The following TDRD7 variants were observed in gnomAD, a reference collection of about 807,000 sequenced individuals.
The protein encoded by TDRD7 is tudor domain-containing protein 7.
In TDRD7, 47 loss-of-function variants were observed where a neutral mutation model predicts 109.8. The ratio of observed to expected loss-of-function variants is 0.43; its 90% CI spans 0.34 to 0.55. The LOEUF is 0.55. Among genes scored for constraint, TDRD7 ranks in the 20% least tolerant of loss-of-function variants. The pLI, the probability that TDRD7 is intolerant of heterozygous loss-of-function variation, is 0.03. For synonymous variants in TDRD7, 424 were observed against 457.3 expected (o/e 0.93, Z 0.93); for missense variants, 1,164 against 1,319.2 (o/e 0.88, Z 1.82).
At chr9:97,462,737 C>T (rs1402945734) in intron 7 of TDRD7, among the ~76,000 whole-genome samples, 1 of 152,202 alleles carries the variant, frequency 6.6e-6, no homozygotes, top group African/African-American at 2.4e-5. Flanking sequence ...CTCGTCATTA[C>T]CCACTGTCAT....
rs1160808007 is a variant in TDRD7, at chr9:97,480,818, T to G, written c.2302-10T>G. ...GGTGTGTTCACTTTTCCATCATATT[T>G]TCTTTTCAGGCCATTAAGTGCTGTT... On this transcript the variant is annotated splice_polypyrimidine_tract_variant and intron_variant, in intron 13 of 16. Coordinates refer to ENST00000355295, the MANE Select transcript of TDRD7 (RefSeq NM_014290.3). 1 of 1,609,948 alleles carries G rather than the reference T, an allele frequency of 6.2e-7. No individual in the cohort carries two copies. Among genetic ancestry groups the G allele is most frequent in the South Asian group, 1.1e-5 (1 of 91,008 alleles).
At chr9:97,471,493 A>T (rs1828912060) in intron 9 of TDRD7, among the ~76,000 whole-genome samples, 1 of 152,300 alleles carries the variant, frequency 6.6e-6, no homozygotes, top group African/African-American at 2.4e-5. Context: ...ATAGGACAGG[A>T]TTTAGGGTGT....
intron 4 of TDRD7, among the ~76,000 whole-genome samples, chr9:97,434,509 A>G (rs1387941832): frequency 6.6e-6 from 1 of 152,196 alleles, no homozygotes; most frequent in Non-Finnish European, 1.5e-5. Context: ...CACAAAAAAT[A>G]AGCATGTGAA....
intron 6 of TDRD7, among the ~76,000 whole-genome samples, chr9:97,448,465 C>G (rs958472816): frequency 1.3e-5 from 2 of 152,196 alleles, no homozygotes; most frequent in African/African-American, 4.8e-5. Flanking sequence ...AAAAGGCCAC[C>G]TCTTAAGGAA....
chr9:97,477,367 T>G (rs1829041469), intron 12 of TDRD7, among the ~76,000 whole-genome samples: 1 of 152,208 alleles, frequency 6.6e-6, no homozygotes, highest in Non-Finnish European at 1.5e-5. Context: ...AGTTGTCATG[T>G]CTTCTTAGTA....
intron 16 of TDRD7, among the ~76,000 whole-genome samples, chr9:97,491,573 T>A (rs1362696533): frequency 6.6e-6 from 1 of 152,208 alleles, no homozygotes; most frequent in Non-Finnish European, 1.5e-5. Flanking sequence ...TATGTAGTCC[T>A]ATGATTAGGT....
chr9:97,472,846 G>A (rs2131164927), intron 10 of TDRD7, among the ~76,000 whole-genome samples: 1 of 152,104 alleles, frequency 6.6e-6, no homozygotes, highest in South Asian at 2.1e-4. Context: ...GAACATAAAT[G>A]CCCCAAAAGA....
intron 1 of TDRD7, among the ~76,000 whole-genome samples, chr9:97,414,508 T>A (rs934572866): frequency 1.3e-5 from 2 of 152,240 alleles, no homozygotes; most frequent in African/African-American, 4.8e-5. Flanking sequence ...AAAAGAGACC[T>A]GAAGTGACTT....
rs202206922 is a variant in TDRD7, at chr9:97,487,260, A to G, written c.3004A>G (p.Ile1002Val). 559 of 1,614,058 alleles carry G rather than the reference A, an allele frequency of 3.5e-4. No homozygotes were observed. The highest frequency in any genetic ancestry group is 4.5e-4 in the Non-Finnish European group (529 of 1,179,956). Residue 1002 changes from isoleucine (I) to valine (V), a missense_variant, in exon 16 of 17, where the codon ATA becomes GTA. By Grantham distance (29) the Ile-to-Val change is conservative. This residue lies in a region of TDRD7 where 162 missense variants were observed against 222.5 expected (regional missense o/e 0.73). Coordinates refer to ENST00000355295, the MANE Select transcript of TDRD7 (RefSeq NM_014290.3). ...LDYGKHELVN[I>V]RKVQPLVDMF... Reference sequence around the variant, plus strand: ...TTATGGCAAACACGAATTAGTCAACATAAGAAAAGTACAGCCCCTAGTGGA... The same window carrying G: ...TTATGGCAAACACGAATTAGTCAACGTAAGAAAAGTACAGCCCCTAGTGGA...
intron 3 of TDRD7, 75 bp downstream of exon 3, chr9:97,431,149 G>C: frequency 3.2e-6 from 5 of 1,586,204 alleles, no homozygotes; most frequent in Non-Finnish European, 3.5e-6. Context: ...TGGAAATATT[G>C]TTTGTATTAT....
chr9:97,471,979 T>C (rs1350028808), intron 9 of TDRD7, among the ~76,000 whole-genome samples: 1 of 152,198 alleles, frequency 6.6e-6, no homozygotes, highest in Non-Finnish European at 1.5e-5. Flanking sequence ...TGTTAGTTTT[T>C]TGGTTTTAAA....
At chr9:97,451,028 C>G (rs556357326) in intron 6 of TDRD7, among the ~76,000 whole-genome samples, 25 of 152,012 alleles carry the variant, frequency 1.6e-4, no homozygotes, top group African/African-American at 5.1e-4. Flanking sequence ...CCCAACCAAC[C>G]TCTGGGGAAG....
At chr9:97,418,539 TA>T (rs113865063) in intron 1 of TDRD7, among the ~76,000 whole-genome samples, 9,406 of 147,970 alleles carry the variant, frequency 0.064, 512 homozygotes, top group African/African-American at 0.15. Flanking sequence ...TGCCGCTCCT[TA>T]AAAAAAAAAA....
Position 97,478,525 on chromosome 9 carries a change from G to A in TDRD7, c.2253G>A (p.Arg751=), listed in dbSNP as rs750262226. 1.9e-6 allele frequency: 3 copies of A among 1,613,988 alleles called. No individual in the cohort carries two copies. The Admixed American group carries it at 5.0e-5, about 27-fold the overall frequency. ...CATCTGTAAAAGTGTCAGAGCTCAG[G>A]GAAATTCCACCTCGGTTTCTACAAG... ...TVTSVKVSEL[R]EIPPRFLQEM... is the part of the protein sequence containing the mutation. Residue 751 remains arginine, a synonymous_variant, in exon 13 of 17, where the codon AGG becomes AGA. Coordinates refer to ENST00000355295, the MANE Select transcript of TDRD7 (RefSeq NM_014290.3).
At chr9:97,437,648 C>G (rs62557506) in intron 4 of TDRD7, among the ~76,000 whole-genome samples, 1 of 152,118 alleles carries the variant, frequency 6.6e-6, no homozygotes, top group Non-Finnish European at 1.5e-5. Context: ...TCAACTATAC[C>G]GTGTAGTCCC....
intron 13 of TDRD7, among the ~76,000 whole-genome samples, chr9:97,479,710 G>A (rs1304275254): frequency 6.6e-6 from 1 of 152,138 alleles, no homozygotes; most frequent in Non-Finnish European, 1.5e-5. Context: ...GTAAGCCAAA[G>A]CCAACCCTTA....
intron 6 of TDRD7, 112 bp from the exon 7 acceptor site, chr9:97,460,066 A>C (rs966503432): frequency 2.2e-6 from 2 of 912,162 alleles, no homozygotes; most frequent in Admixed American, 2.0e-5. Flanking sequence ...TAAATCGTAC[A>C]CTTGATTAAT....
intron 1 of TDRD7, among the ~76,000 whole-genome samples, chr9:97,420,170 C>G (rs1463566298): frequency 1.3e-5 from 2 of 152,060 alleles, no homozygotes; most frequent in African/African-American, 4.8e-5. Context: ...TATACCCATA[C>G]AGTGGAATAC....
At position 97,483,046 on chromosome 9, in the gene TDRD7, G is replaced by A. The variant is rs201948930; in HGVS notation, c.2610G>A (p.Ser870=). ...PNSKNGNMPM[S]GNTGENFRKN... ...GCAAAAATGGCAACATGCCCATGTC[G>A]GGCAACACTGGAGAGAATTTCAGAA... Residue 870 remains serine, a synonymous_variant, in exon 15 of 17, where the codon TCG becomes TCA. Coordinates refer to ENST00000355295, the MANE Select transcript of TDRD7 (RefSeq NM_014290.3). The A allele has an allele frequency of 2.7e-4, 432 of 1,614,012 alleles. No homozygotes were observed. Among genetic ancestry groups the A allele is most frequent in the Non-Finnish European group, 3.4e-4 (406 of 1,180,038 alleles).
Sources: gnomAD v4.1 joint callset for allele counts (sites outside exome capture counted in the v4.1 genomes callset) on GRCh38, gnomAD v4.1.1 for gene constraint, gnomAD v4.1.1 regional missense constraint, MANE v1.5 for transcripts, NCBI Gene and HGNC (gene_info 2026-07-23, HGNC 2026-07-21) for gene names.